The following DLGAP2 variants were observed in gnomAD, a reference collection of about 807,000 sequenced individuals.
DLGAP2 encodes the protein DLG associated protein 2, also known as disks large-associated protein 2.
A neutral mutation model predicts 100.3 loss-of-function variants in DLGAP2; 26 were observed. The ratio of observed to expected loss-of-function variants is 0.26; its 90% confidence interval spans 0.19 to 0.36. The LOEUF (loss-of-function observed/expected upper bound fraction) is 0.36, where lower values mean the gene tolerates loss of function less well. DLGAP2 is among the 10% of genes least tolerant of loss of function. DLGAP2 has a pLI of 1.00. For synonymous variants in DLGAP2, 886 were observed against 630.1 expected, an observed-to-expected ratio of 1.41 and a Z score of -6.08; for missense variants, 1,858 against 1,453.2, an observed-to-expected ratio of 1.28 and a Z score of -4.53.
intron 1 of DLGAP2, among the ~76,000 whole-genome samples, chr8:818,664 C>G (rs1196385967): frequency 6.6e-6 from 1 of 152,200 alleles, no homozygotes; most frequent in Non-Finnish European, 1.5e-5. Context: ...TCTTAATCCT[C>G]TCTGCTGTTT....
At chr8:1,679,733 G>A (rs1254656770) in intron 12 of DLGAP2, among the ~76,000 whole-genome samples, 3 of 152,184 alleles carry the variant, frequency 2.0e-5, no homozygotes, top group Admixed American at 6.5e-5. Context: ...TGTAATTCCA[G>A]CACTTTAGGA....
At chr8:1,372,162 C>T (rs917055050) in intron 3 of DLGAP2, among the ~76,000 whole-genome samples, 2 of 152,094 alleles carry the variant, frequency 1.3e-5, no homozygotes, top group Non-Finnish European at 2.9e-5. Flanking sequence ...GTGGGTGGGG[C>T]GCAGGTCACC....
chr8:971,477 C>G (rs535780809), intron 2 of DLGAP2, among the ~76,000 whole-genome samples: 1 of 152,186 alleles, frequency 6.6e-6, no homozygotes, highest in African/African-American at 2.4e-5. Context: ...TTGTTACCAC[C>G]ACTGGGAGAA....
intron 6 of DLGAP2, among the ~76,000 whole-genome samples, chr8:1,614,837 T>C (rs923874138): frequency 7.0e-6 from 1 of 142,366 alleles, no homozygotes; most frequent in Non-Finnish European, 1.5e-5. Context: ...CACACATGCA[T>C]TGCACGTGCA....
chr8:1,208,765 A>C (rs1377891722), intron 2 of DLGAP2, among the ~76,000 whole-genome samples: 1 of 152,168 alleles, frequency 6.6e-6, no homozygotes, highest in African/African-American at 2.4e-5. Context: ...GTTTCAGGAC[A>C]CAAAATCAAT....
At chr8:890,399 G>GT (rs1014903594) in intron 1 of DLGAP2, among the ~76,000 whole-genome samples, 3 of 151,954 alleles carry the variant, frequency 2.0e-5, no homozygotes, top group Admixed American at 6.6e-5. Context: ...ACCATGGAAC[G>GT]TTTTTTTTCC....
At chr8:1,228,997 C>G (rs1205841515) in intron 2 of DLGAP2, among the ~76,000 whole-genome samples, 1 of 152,014 alleles carries the variant, frequency 6.6e-6, no homozygotes, top group Non-Finnish European at 1.5e-5. Flanking sequence ...TATCTATTTG[C>G]AAGTAACATA....
intron 2 of DLGAP2, among the ~76,000 whole-genome samples, chr8:1,172,630 C>G (rs2116680519): frequency 6.6e-6 from 1 of 152,190 alleles, no homozygotes; most frequent in Non-Finnish European, 1.5e-5. Flanking sequence ...TCATTTCATT[C>G]ATTTCATCTT....
intron 4 of DLGAP2, 127 bp from the exon 5 acceptor site, chr8:1,548,499 C>G (rs1237898220): frequency 5.2e-6 from 3 of 581,040 alleles, no homozygotes. Flanking sequence ...CAAATCTGCC[C>G]TCTCGAGTGC....
intron 3 of DLGAP2, among the ~76,000 whole-genome samples, chr8:1,407,919 C>T (rs181129453): frequency 7.2e-5 from 11 of 152,268 alleles, no homozygotes; most frequent in Non-Finnish European, 1.0e-4. Flanking sequence ...GACTGAGTAC[C>T]GCAGGGTCCA....
chr8:1,165,267 GGGAGAC>G (rs1468829456), intron 2 of DLGAP2, among the ~76,000 whole-genome samples: 1 of 151,856 alleles, frequency 6.6e-6, no homozygotes, highest in Non-Finnish European at 1.5e-5. Flanking sequence ...TGGAGAAGAA[GGGAGAC>G]AGAGACAGAG....
At position 865,316 on chromosome 8, in the gene DLGAP2, C is replaced by T. The variant is rs534048494; in HGVS notation, c.19-42596C>T. Among the ~76,000 whole-genome samples, 7 of 152,338 alleles carry T rather than the reference C, an allele frequency of 4.6e-5. No individual in the cohort carries two copies. The East Asian group carries it at 7.7e-4, about 17-fold the overall frequency. Reference sequence around the variant, plus strand: ...AGAGAGGAGAGTTATTGCTACTAAACGCTGAGCTCATGCCACAGGCTCATG... The same window carrying T: ...AGAGAGGAGAGTTATTGCTACTAAATGCTGAGCTCATGCCACAGGCTCATG... On this transcript the variant is annotated intron_variant, in intron 1 of 14. Transcript: ENST00000637795.
chr8:1,423,401 G>T (rs938488293), intron 3 of DLGAP2, among the ~76,000 whole-genome samples: 1 of 152,154 alleles, frequency 6.6e-6, no homozygotes, highest in Admixed American at 6.5e-5. Context: ...ACTGGAGTTT[G>T]CATTTCCCAC....
intron 2 of DLGAP2, among the ~76,000 whole-genome samples, chr8:1,101,642 C>T (rs1464628938): frequency 1.3e-5 from 2 of 151,676 alleles, no homozygotes; most frequent in Non-Finnish European, 2.9e-5. Flanking sequence ...AAACATGACA[C>T]GACGATGGGA....
intron 3 of DLGAP2, among the ~76,000 whole-genome samples, chr8:1,458,040 TTATA>T (rs199917235): frequency 7.5e-6 from 1 of 132,618 alleles, no homozygotes. Context: ...GTATATATAA[TTATA>T]TATATATATA....
chr8:895,515 G>C (rs1168671402), intron 1 of DLGAP2, among the ~76,000 whole-genome samples: 1 of 152,208 alleles, frequency 6.6e-6, no homozygotes, highest in Non-Finnish European at 1.5e-5. Flanking sequence ...GGAAGGGTTT[G>C]TGTAACCAGA....
intron 3 of DLGAP2, among the ~76,000 whole-genome samples, chr8:1,316,771 G>C (rs72621156): frequency 0.11 from 15,244 of 140,252 alleles, 458 homozygotes; most frequent in East Asian, 0.15. Flanking sequence ...TGCGAGTACA[G>C]CGTCTCTCCC....
At chr8:1,412,364 C>G (rs1796754869) in intron 3 of DLGAP2, among the ~76,000 whole-genome samples, 1 of 152,234 alleles carries the variant, frequency 6.6e-6, no homozygotes, top group African/African-American at 2.4e-5. Context: ...TCCTCCATCT[C>G]TCTTACAGAT....
At position 1,134,209 on chromosome 8, in the gene DLGAP2, A is replaced by G. The variant is rs1056429553; in HGVS notation, c.74-124642A>G. Among the ~76,000 whole-genome samples, 3 of 152,344 alleles carry G rather than the reference A, an allele frequency of 2.0e-5. No individual in the cohort carries two copies. In the East Asian group the frequency reaches 5.8e-4, roughly 29 times the overall value. ...GGCTGCATAGTATTCCATGGTATAC[A>G]TGTACCACATTTTCTTAATCCAGTC... is the stretch of plus-strand genomic sequence containing the variant. On this transcript the variant is annotated intron_variant, in intron 2 of 14. Transcript: ENST00000637795.
Sources: gnomAD v4.1 joint callset for allele counts (sites outside exome capture counted in the v4.1 genomes callset) on GRCh38, gnomAD v4.1.1 for gene constraint, MANE v1.5 for transcripts, NCBI Gene and HGNC (gene_info 2026-07-23, HGNC 2026-07-21) for gene names.